GMNC: variants seen among roughly 807,000 people sequenced by gnomAD.
The protein encoded by GMNC is geminin coiled-coil domain-containing protein 1.
GMNC carries 16 observed loss-of-function variants against 33.6 expected under a neutral mutation model. That is an observed-to-expected ratio of 0.48 (90% CI 0.32 to 0.72). GMNC has a LOEUF of 0.72. Ranked by LOEUF, GMNC falls within the 30% of genes least tolerant of loss-of-function variation. The pLI is 0.03. For synonymous variants in GMNC, 156 were observed against 147.3 expected (o/e 1.06, Z -0.43); for missense variants, 393 against 388.9 (o/e 1.01, Z -0.09).
Position 190,855,177 on chromosome 3 carries a change from A to T in GMNC, c.*118T>A. On this transcript the variant is annotated 3_prime_UTR_variant, in exon 5 of 5. Transcript: ENST00000442080. The stretch of plus-strand genomic sequence containing the variant: ...AAGTGGGTAATTGAGAGTGACATTT[A>T]AAGTGGCAGGAGACAGTCTAAGCAA... The T allele has an allele frequency of 2.0e-6, 2 of 1,006,404 alleles. No individual in the cohort carries two copies. Among genetic ancestry groups the T allele is most frequent in the Non-Finnish European group, 2.9e-6 (2 of 699,128 alleles). The allele number at this position is 1,006,404 out of a possible 1,614,324, so 62.3% of individuals were successfully genotyped here. A position where few individuals can be genotyped will look rare whatever the true frequency, so the allele number is the denominator to read the frequency against.
downstream of GMNC, among the ~76,000 whole-genome samples, chr3:190,848,946 A>C (rs1201715507): frequency 6.6e-6 from 1 of 152,190 alleles, no homozygotes; most frequent in Non-Finnish European, 1.5e-5. Context: ...AACTGACATA[A>C]ATAAATTCTA....
the GMNC span, among the ~76,000 whole-genome samples, chr3:190,846,883 C>G: frequency 6.6e-6 from 1 of 152,282 alleles, no homozygotes; most frequent in Non-Finnish European, 1.5e-5. Flanking sequence ...CGCTTTCGTC[C>G]ATGAAACTGA....
At position 190,855,098 on chromosome 3, in the gene GMNC, A is replaced by G; in HGVS notation, c.*197T>C. 1.7e-6 allele frequency: 1 copy of G among 593,706 alleles called. No individual in the cohort carries two copies. Among genetic ancestry groups the G allele is most frequent in the Non-Finnish European group, 2.9e-6 (1 of 339,272 alleles). 36.8% of individuals were successfully genotyped at this position (593,706 alleles called of 1,614,324 possible). A position where few individuals can be genotyped will look rare whatever the true frequency, so the allele number is the denominator to read the frequency against. On this transcript the variant is annotated 3_prime_UTR_variant, in exon 5 of 5. Transcript: ENST00000442080. ...TGTAAACAAGTCAAATTTAGGTAAA[A>G]GAAGCGCGGACACGTTTCATTATGG...
chr3:190,848,204 T>C (rs1002123886), downstream of GMNC, among the ~76,000 whole-genome samples: 1 of 152,240 alleles, frequency 6.6e-6, no homozygotes, highest in Non-Finnish European at 1.5e-5. Flanking sequence ...ACTTCCCTTT[T>C]ATTATTGATA....
rs1362719864 is a variant in GMNC at position 190,861,343 on chromosome 3, T to C, written c.4-485A>G. Among the ~76,000 whole-genome samples, 1 of 152,226 alleles carries C rather than the reference T, an allele frequency of 6.6e-6. No individual in the cohort carries two copies. The highest frequency in any genetic ancestry group is 1.9e-4 in the East Asian group (1 of 5,196). ...GACATAATATAGACTAACGTCTTCA[T>C]TTTTGTTTCTGAATCATACTTGCCT... On this transcript the variant is annotated intron_variant, in intron 1 of 4. Coordinates refer to ENST00000442080, the MANE Select transcript of GMNC (RefSeq NM_001146686.3). The surrounding 1 kb of genome is among the most constrained non-coding windows in gnomAD (Gnocchi z 5.1).
In GMNC at chr3:190,855,533, G is replaced by C. The variant is rs1334933402; in HGVS notation, c.767C>G (p.Thr256Ser). The C allele has an allele frequency of 6.4e-7, 1 of 1,551,720 alleles. No individual in the cohort carries two copies. Among genetic ancestry groups the C allele is most frequent in the South Asian group, 1.2e-5 (1 of 84,056 alleles). Residue 256 changes from threonine to serine, a missense_variant, in exon 5 of 5, where the codon ACT becomes AGT. Thr to Ser is a moderately conservative substitution (Grantham distance 58). Coordinates refer to ENST00000442080, the MANE Select transcript of GMNC (RefSeq NM_001146686.3). The stretch of plus-strand genomic sequence containing the variant: ...GTGGAAATCTTCTCCATGAGTGGCA[G>C]TGCTGTGCAAGGGGGTTGTTCTGTC... ...RGDRTTPLHS[T>S]ATHGEDFHIL...
At chr3:190,848,713 G>A (rs1737588344), downstream of GMNC, among the ~76,000 whole-genome samples, 1 of 152,152 alleles carries the variant, frequency 6.6e-6, no homozygotes, top group Non-Finnish European at 1.5e-5. Flanking sequence ...CATATACACG[G>A]TCCTTAAAAG....
chr3:190,847,540 C>T, the GMNC span, among the ~76,000 whole-genome samples: 1 of 152,168 alleles, frequency 6.6e-6, no homozygotes, highest in Non-Finnish European at 1.5e-5. Flanking sequence ...TGCAGTGTTT[C>T]ATCAACCACA....
rs1183738511 is a variant in GMNC, at chr3:190,855,713, T to A, written c.587A>T (p.Lys196Ile). The A allele has an allele frequency of 6.4e-7, 1 of 1,551,436 alleles. No homozygotes were observed. Among genetic ancestry groups the A allele is most frequent in the Non-Finnish European group, 8.7e-7 (1 of 1,146,918 alleles). ...GGTGTCATCGATAGTGTCAAGGTCT[T>A]TTAACCCAAGTGTTTGAAGGACCCA... is the stretch of plus-strand genomic sequence containing the variant. ...DPWVLQTLGL[K>I]DLDTIDDTSS... is the part of the protein sequence containing the mutation. The change falls in exon 5 of 5, where the codon AAA (lysine) becomes ATA (isoleucine). Residue 196 changes from lysine (K) to isoleucine (I), a missense_variant. Physicochemically the swap from Lys to Ile is moderately radical, Grantham distance 102 (BLOSUM62 -3). Coordinates refer to ENST00000442080, the MANE Select transcript of GMNC (RefSeq NM_001146686.3).
At chr3:190,860,987 G>T in intron 1 of GMNC, 129 bp from the exon 2 acceptor site, 1 of 643,018 alleles carries the variant, frequency 1.6e-6, no homozygotes. Flanking sequence ...AATCAGAAAA[G>T]GTGTTAAGTA....
At chr3:190,846,564 C>T in the GMNC span, among the ~76,000 whole-genome samples, 1 of 152,058 alleles carries the variant, frequency 6.6e-6, no homozygotes, top group East Asian at 1.9e-4. Context: ...AAGTTGTAGG[C>T]TTTGACATAT....
At chr3:190,847,241 T>TA in the GMNC span, among the ~76,000 whole-genome samples, 2 of 152,240 alleles carry the variant, frequency 1.3e-5, no homozygotes, top group Non-Finnish European at 2.9e-5. Context: ...TGCCCCAACA[T>TA]AGCTTCCAGT....
chr3:190,848,632 T>A (rs1235228068), downstream of GMNC, among the ~76,000 whole-genome samples: 1 of 152,200 alleles, frequency 6.6e-6, no homozygotes, highest in Non-Finnish European at 1.5e-5. Flanking sequence ...GCTTTACATT[T>A]GCGAATTAAA....
chr3:190,858,855 G>A, intron 3 of GMNC, 73 bp downstream of exon 3: 4 of 859,186 alleles, frequency 4.7e-6, no homozygotes. Flanking sequence ...AAAGGGAAAA[G>A]AAGCAAGATA....
chr3:190,857,706 A>T, intron 4 of GMNC, 77 bp downstream of exon 4: 2 of 749,450 alleles, frequency 2.7e-6, no homozygotes, highest in Non-Finnish European at 4.7e-6. Flanking sequence ...TGTTTAATCA[A>T]GGAGTTTTAC....
intron 3 of GMNC, 32 bp from the exon 4 acceptor site, chr3:190,857,931 C>T (rs1405342656): frequency 8.8e-7 from 1 of 1,135,420 alleles, no homozygotes; most frequent in African/African-American, 1.5e-5. Flanking sequence ...GAAGGCTGCT[C>T]CACTATATTG....
downstream of GMNC, among the ~76,000 whole-genome samples, chr3:190,850,767 C>A (rs1737621558): frequency 6.6e-6 from 1 of 152,140 alleles, no homozygotes; most frequent in East Asian, 1.9e-4. Context: ...GTATTAGACC[C>A]AACATTAGCA....
Position 190,861,487 on chromosome 3 carries a change from T to TATCTATC in GMNC, c.4-636_4-630dup, listed in dbSNP as rs1396634570. Among the ~76,000 whole-genome samples the TATCTATC allele has an allele frequency of 6.6e-6, 1 of 151,992 alleles. No individual in the cohort carries two copies. Among genetic ancestry groups the TATCTATC allele is most frequent in the Non-Finnish European group, 1.5e-5 (1 of 67,980 alleles). On this transcript the variant is annotated intron_variant, in intron 1 of 4. Transcript: ENST00000442080. This position sits in a 1 kb window ranked among gnomAD's most constrained non-coding sequence, Gnocchi z 5.1. ...CTATCTATCTATCTATCTATCTATC[T>TATCTATC]ATCTATCTATCTATCTATCTATCTC...
At chr3:190,844,421 TTG>T in the GMNC span, among the ~76,000 whole-genome samples, 3 of 151,580 alleles carry the variant, frequency 2.0e-5, no homozygotes, top group African/African-American at 4.8e-5. Context: ...GAAGTTGCAA[TTG>T]TGTTTTTAAA....
Sources: gnomAD v4.1 joint callset for allele counts (sites outside exome capture counted in the v4.1 genomes callset) on GRCh38, gnomAD v4.1.1 for gene constraint, Gnocchi (gnomAD v3.1) non-coding constraint, MANE v1.5 for transcripts, NCBI Gene and HGNC (gene_info 2026-07-23, HGNC 2026-07-21) for gene names.